Variants in INTS6 observed in about 807,000 individuals in gnomAD.
INTS6 encodes the protein DEAD box protein.
INTS6 carries 16 observed loss-of-function variants against 104.9 expected under a neutral mutation model. That is an observed-to-expected ratio of 0.15 (90% CI 0.10 to 0.23). The LOEUF (loss-of-function observed/expected upper bound fraction) is 0.23. Ranked by LOEUF, INTS6 falls within the 10% of genes least tolerant of loss-of-function variation. The pLI is 1.00. For synonymous variants in INTS6, 324 were observed against 358.7 expected (o/e 0.90, Z 1.09); for missense variants, 584 against 1,062.8 (o/e 0.55, Z 6.26).
chr13:51,421,046 T>C, intron 4 of INTS6: 1 of 738,144 alleles, frequency 1.4e-6, no homozygotes, highest in Non-Finnish European at 1.7e-6. Flanking sequence ...TGTCATTCTA[T>C]GTTGAATCAG....
At position 51,421,635 on chromosome 13, in the gene INTS6, C is replaced by T. The variant is rs77329546; in HGVS notation, c.429+8659G>A. On this transcript the variant is annotated intron_variant, in intron 4 of 17. Coordinates refer to ENST00000311234, the MANE Select transcript of INTS6 (RefSeq NM_012141.3). ...GGAAATACAGCTAAATAAGTATTAT[C>T]AAGGTATTTATAAATGACTAGCAGC... is the stretch of plus-strand genomic sequence containing the variant. 5.0e-3 allele frequency among the ~76,000 whole-genome samples: 765 copies of T among 152,196 alleles called. 2 individuals carry two copies. The highest frequency in any genetic ancestry group is 0.017 in the African/African-American group (713 of 41,518).
At chr13:51,425,076 C>T (rs1021523856) in intron 4 of INTS6, among the ~76,000 whole-genome samples, 1 of 151,968 alleles carries the variant, frequency 6.6e-6, no homozygotes, top group African/African-American at 2.4e-5. Flanking sequence ...ATACTAGAAA[C>T]TGATTTCAAA....
intron 4 of INTS6, among the ~76,000 whole-genome samples, chr13:51,406,464 C>G (rs1220530145): frequency 1.3e-5 from 2 of 152,080 alleles, no homozygotes; most frequent in Admixed American, 1.3e-4. Context: ...GTCACCTCCT[C>G]CCTGTTTCTT....
At chr13:51,434,605 G>A (rs1173321138) in intron 3 of INTS6, among the ~76,000 whole-genome samples, 5 of 151,910 alleles carry the variant, frequency 3.3e-5, no homozygotes, top group African/African-American at 1.2e-4. Context: ...ATACACACAA[G>A]GTTGTTTTAT....
chr13:51,396,371 T>C (rs1232972056), intron 4 of INTS6, among the ~76,000 whole-genome samples: 2 of 152,322 alleles, frequency 1.3e-5, no homozygotes, highest in South Asian at 2.1e-4. Flanking sequence ...ATGTGTTGCA[T>C]GTTTTATTAA....
intron 4 of INTS6, among the ~76,000 whole-genome samples, chr13:51,417,795 T>C (rs1161074492): frequency 2.0e-5 from 3 of 152,200 alleles, no homozygotes; most frequent in Non-Finnish European, 4.4e-5. Flanking sequence ...TCTTAACTCT[T>C]GTCAAAAATC....
chr13:51,355,221 ATT>A, intron 3 of INTS6: 1 of 531,050 alleles, frequency 1.9e-6, no homozygotes, highest in Non-Finnish European at 3.3e-6. Context: ...AGGGATTCTC[ATT>A]TCAGAGTCAA....
At chr13:51,449,585 CATACACT>C (rs1242596243) in intron 3 of INTS6, 1 of 985,162 alleles carries the variant, frequency 1.0e-6, no homozygotes, top group East Asian at 1.1e-4. Context: ...ATAGTTCTGC[CATACACT>C]AACAACATGA....
rs938878789 is a variant in INTS6, at chr13:51,397,792, G to C, written c.430-2309C>G. Among the ~76,000 whole-genome samples the C allele has an allele frequency of 9.9e-5, 15 of 151,732 alleles. No individual in the cohort carries two copies. In the East Asian group the frequency reaches 2.9e-3, roughly 29 times the overall value. On this transcript the variant is annotated intron_variant, in intron 4 of 17. Transcript: ENST00000311234. ...TACATGGAACTGTCTTGAGAATGTG[G>C]GGGAAAACAGGCACTGCGCGGACCA...
At chr13:51,384,538 C>A in intron 7 of INTS6, 1 of 435,776 alleles carries the variant, frequency 2.3e-6, no homozygotes. Context: ...TCCTATTTCT[C>A]TGCTGTATCT....
downstream of INTS6, among the ~76,000 whole-genome samples, chr13:51,358,083 C>CCATA (rs10688052): frequency 0.011 from 1,720 of 152,174 alleles, 26 homozygotes; most frequent in East Asian, 0.07. Context: ...AAGCAACTAA[C>CCATA]CATAGCCTAA....
chr13:51,382,239 A>T (rs530697541), intron 9 of INTS6, 116 bp from the exon 10 acceptor site: 2 of 514,158 alleles, frequency 3.9e-6, no homozygotes, highest in Admixed American at 3.8e-5. Context: ...GAGTAACATC[A>T]GACGTTTTTT....
the INTS6 span, among the ~76,000 whole-genome samples, chr13:51,335,275 T>A: frequency 6.6e-6 from 1 of 152,158 alleles, no homozygotes; most frequent in Non-Finnish European, 1.5e-5. Flanking sequence ...AAGGGATGTA[T>A]ACTCTATGTG....
chr13:51,444,249 CTAAT>C (rs1952856540), intron 3 of INTS6: 1 of 118,734 alleles, frequency 8.4e-6, no homozygotes, highest in Non-Finnish European at 1.7e-5. Context: ...CACCCCCCAG[CTAAT>C]TTTTTTTTTT....
intron 3 of INTS6, chr13:51,442,019 C>T (rs1328283819): frequency 6.6e-6 from 1 of 152,134 alleles, no homozygotes; most frequent in Non-Finnish European, 1.5e-5. Flanking sequence ...TGGAGTTTTA[C>T]CAGGTTGGCC....
At chr13:51,370,164 A>G (rs1394029530) in intron 15 of INTS6, among the ~76,000 whole-genome samples, 1 of 152,130 alleles carries the variant, frequency 6.6e-6, no homozygotes, top group Non-Finnish European at 1.5e-5. Flanking sequence ...TCTTTACTGA[A>G]TATTCTCTAC....
intron 3 of INTS6, among the ~76,000 whole-genome samples, chr13:51,431,972 TAATA>T (rs1957099963): frequency 1.3e-5 from 2 of 152,110 alleles, no homozygotes; most frequent in Non-Finnish European, 2.9e-5. Context: ...CCAAAATATA[TAATA>T]AATTCTAATA....
chr13:51,379,719 G>A, intron 10 of INTS6, 147 bp from the exon 11 acceptor site: 1 of 444,934 alleles, frequency 2.2e-6, no homozygotes, highest in East Asian at 3.5e-5. Context: ...TTATGTTTCA[G>A]TAAAATGTTT....
At chr13:51,365,922 G>A in intron 17 of INTS6, 77 bp from the exon 18 acceptor site, 7 of 780,658 alleles carry the variant, frequency 9.0e-6, no homozygotes, top group Non-Finnish European at 1.2e-5. Flanking sequence ...TTTAAGAAAG[G>A]AGAGAAAATT....
Sources: gnomAD v4.1 joint callset for allele counts (sites outside exome capture counted in the v4.1 genomes callset) on GRCh38, gnomAD v4.1.1 for gene constraint, MANE v1.5 for transcripts, NCBI Gene and HGNC (gene_info 2026-07-23, HGNC 2026-07-21) for gene names.